The following PLCL2 variants were observed in gnomAD, a reference collection of about 807,000 sequenced individuals.
PLCL2 encodes phospholipase C like 2.
PLCL2 carries 4 observed loss-of-function variants against 79.6 expected under a neutral mutation model. The ratio of observed to expected loss-of-function variants is 0.05; its 90% confidence interval spans 0.02 to 0.11. PLCL2 has a LOEUF of 0.11. Among genes scored for constraint, PLCL2 ranks in the 10% least tolerant of loss-of-function variants. The pLI, the probability that PLCL2 is intolerant of heterozygous loss-of-function variation, is 1.00. For missense variants in PLCL2, 895 were observed against 1,291.0 expected (o/e 0.69, Z 4.70); for synonymous variants, 484 against 457.7 (o/e 1.06, Z -0.73).
intron 4 of PLCL2, among the ~76,000 whole-genome samples, chr3:17,058,797 GGGA>G (rs1191580793): frequency 6.6e-6 from 1 of 152,044 alleles, no homozygotes; most frequent in Admixed American, 6.6e-5. Flanking sequence ...CCAGAGAGGT[GGGA>G]GGAGAACACT....
intron 5 of PLCL2, among the ~76,000 whole-genome samples, chr3:17,082,342 G>C (rs1348398192): frequency 1.3e-5 from 2 of 151,584 alleles, no homozygotes; most frequent in Non-Finnish European, 2.9e-5. Flanking sequence ...TAGAGACGAG[G>C]TTTCACCGTG....
intron 1 of PLCL2, among the ~76,000 whole-genome samples, chr3:16,996,490 T>C (rs544930714): frequency 4.6e-5 from 7 of 152,136 alleles, no homozygotes; most frequent in Non-Finnish European, 8.8e-5. Flanking sequence ...ATAGTAACTG[T>C]GTAATTAATA....
intron 4 of PLCL2, among the ~76,000 whole-genome samples, chr3:17,066,057 A>G (rs950334333): frequency 1.6e-4 from 25 of 152,176 alleles, no homozygotes; most frequent in Admixed American, 1.4e-3. Flanking sequence ...TAGGAACCCA[A>G]CGGGTGGATC....
intron 1 of PLCL2, among the ~76,000 whole-genome samples, chr3:16,967,571 A>G (rs1228656272): frequency 1.3e-5 from 2 of 152,016 alleles, no homozygotes; most frequent in Non-Finnish European, 2.9e-5. Context: ...TCTTCTTTTG[A>G]AAAGTGTCTG....
intron 1 of PLCL2, among the ~76,000 whole-genome samples, chr3:17,001,255 T>A (rs911022277): frequency 9.9e-5 from 15 of 152,106 alleles, no homozygotes; most frequent in African/African-American, 3.6e-4. Flanking sequence ...TAATTGCTTT[T>A]TTTTGCTGCT....
intron 1 of PLCL2, among the ~76,000 whole-genome samples, chr3:16,957,154 T>C (rs1346624261): frequency 6.6e-6 from 1 of 152,178 alleles, no homozygotes. Context: ...CTGCTTTCTC[T>C]TGTGGGCATT....
chr3:17,025,663 C>T (rs557168040), intron 3 of PLCL2, among the ~76,000 whole-genome samples: 1 of 152,228 alleles, frequency 6.6e-6, no homozygotes, highest in African/African-American at 2.4e-5. Context: ...TAATTTCTGA[C>T]CCTTTTTTCT....
In PLCL2 at chr3:17,090,066, A is replaced by T; in HGVS notation, c.*154A>T. ...TACAGTCTATTAAAACTGTGAATGT[A>T]TGTAGCAATCCTGCGTGTGAAGGCA... is the stretch of plus-strand genomic sequence containing the variant. On this transcript the variant is annotated 3_prime_UTR_variant, in exon 6 of 6. Coordinates refer to ENST00000615277, the MANE Select transcript of PLCL2 (RefSeq NM_001144382.2). 1.5e-6 allele frequency: 2 copies of T among 1,368,386 alleles called. No individual in the cohort carries two copies. Among genetic ancestry groups the T allele is most frequent in the Non-Finnish European group, 1.9e-6 (2 of 1,059,644 alleles). The allele number at this position is 1,368,386 out of a possible 1,614,324, so 84.8% of individuals were successfully genotyped here.
intron 3 of PLCL2, among the ~76,000 whole-genome samples, chr3:17,039,488 G>A (rs1257828848): frequency 2.0e-5 from 3 of 152,210 alleles, no homozygotes; most frequent in African/African-American, 4.8e-5. Flanking sequence ...ATATATGCCT[G>A]TTAAGAACAA....
chr3:16,999,254 G>A (rs2064183304), intron 1 of PLCL2, among the ~76,000 whole-genome samples: 1 of 152,146 alleles, frequency 6.6e-6, no homozygotes, highest in South Asian at 2.1e-4. Context: ...AGTATATCTT[G>A]GGCATCACAT....
At chr3:16,891,802 C>T (rs1225666306) in intron 1 of PLCL2, among the ~76,000 whole-genome samples, 1 of 152,154 alleles carries the variant, frequency 6.6e-6, no homozygotes, top group Non-Finnish European at 1.5e-5. Flanking sequence ...TGCTGGAGCC[C>T]CATGAGATTC....
chr3:17,065,903 A>G (rs2065005231), intron 4 of PLCL2, among the ~76,000 whole-genome samples: 1 of 152,178 alleles, frequency 6.6e-6, no homozygotes, highest in African/African-American at 2.4e-5. Flanking sequence ...CCATTCTGCA[A>G]GCCTCAGTGA....
intron 1 of PLCL2, among the ~76,000 whole-genome samples, chr3:16,981,411 C>G (rs531721347): frequency 6.6e-6 from 1 of 152,248 alleles, no homozygotes; most frequent in East Asian, 1.9e-4. Flanking sequence ...AATCTAATGA[C>G]TAAAATTGCA....
chr3:16,959,365 C>T (rs765887550), intron 1 of PLCL2, among the ~76,000 whole-genome samples: 6 of 152,148 alleles, frequency 3.9e-5, no homozygotes, highest in South Asian at 2.1e-4. Flanking sequence ...CTTTATTTTA[C>T]GAAATTCAAA....
chr3:16,985,251 T>TA (rs1163077951), intron 1 of PLCL2, among the ~76,000 whole-genome samples: 5 of 152,262 alleles, frequency 3.3e-5, no homozygotes, highest in Non-Finnish European at 5.9e-5. Context: ...GGCATACCTC[T>TA]ATATTAGCTT....
chr3:16,929,130 A>G (rs74648834), intron 1 of PLCL2, among the ~76,000 whole-genome samples: 150,641 of 151,896 alleles, frequency 0.99, 74,751 homozygotes, highest in Middle Eastern at 1. Flanking sequence ...CCTGCGCAGA[A>G]ATGATGATGA....
intron 1 of PLCL2, among the ~76,000 whole-genome samples, chr3:17,002,035 T>C (rs948278451): frequency 6.6e-6 from 1 of 152,160 alleles, no homozygotes; most frequent in Admixed American, 6.5e-5. Flanking sequence ...ATTAGTGCTC[T>C]ATCATTTTCA....
intron 1 of PLCL2, among the ~76,000 whole-genome samples, chr3:16,996,464 T>C (rs2064154205): frequency 6.6e-6 from 1 of 152,148 alleles, no homozygotes; most frequent in Non-Finnish European, 1.5e-5. Flanking sequence ...ACTCGTGTTA[T>C]AGGATTGTTG....
At chr3:17,075,820 T>A (rs1455135373) in intron 5 of PLCL2, among the ~76,000 whole-genome samples, 3 of 152,268 alleles carry the variant, frequency 2.0e-5, no homozygotes, top group Non-Finnish European at 4.4e-5. Context: ...ATTGTGCTTT[T>A]GAGTCATACA....
Sources: gnomAD v4.1 joint callset for allele counts (sites outside exome capture counted in the v4.1 genomes callset) on GRCh38, gnomAD v4.1.1 for gene constraint, MANE v1.5 for transcripts, NCBI Gene and HGNC (gene_info 2026-07-23, HGNC 2026-07-21) for gene names.